The following FLI1 variants were observed in gnomAD, a reference collection of about 807,000 sequenced individuals.
FLI1 encodes the protein Friend leukemia integration 1 transcription factor.
A neutral mutation model predicts 53.1 loss-of-function variants in FLI1; 13 were observed. The ratio of observed to expected loss-of-function variants is 0.24; its 90% CI spans 0.16 to 0.39. The LOEUF (loss-of-function observed/expected upper bound fraction) is 0.39. Ranked by LOEUF, FLI1 falls within the 10% of genes least tolerant of loss-of-function variation. The probability of loss-of-function intolerance (pLI) is 1.00; values close to 1 mark genes in which losing one functional copy is unlikely to be tolerated. For synonymous variants in FLI1, 244 were observed against 236.7 expected, an observed-to-expected ratio of 1.03 and a Z score of -0.28; for missense variants, 424 against 600.5, an observed-to-expected ratio of 0.71 and a Z score of 3.07.
At chr11:128,702,633 G>A (rs573270956) in intron 1 of FLI1, among the ~76,000 whole-genome samples, 7 of 152,288 alleles carry the variant, frequency 4.6e-5, no homozygotes, top group South Asian at 2.1e-4. Context: ...AGGCCAAGGC[G>A]GGTGGATCAC....
At chr11:128,774,480 G>T (rs1273408575) in intron 4 of FLI1, among the ~76,000 whole-genome samples, 1 of 152,118 alleles carries the variant, frequency 6.6e-6, no homozygotes, top group Non-Finnish European at 1.5e-5. Flanking sequence ...AAAAAATAAG[G>T]ATCTTTGAAC....
At chr11:128,768,042 G>T in intron 2 of FLI1, 76 bp from the exon 3 acceptor site, 1 of 1,359,782 alleles carries the variant, frequency 7.4e-7, no homozygotes, top group Non-Finnish European at 1.0e-6. Context: ...GGAGCCCTGG[G>T]CTCATGATTC....
intron 4 of FLI1, among the ~76,000 whole-genome samples, chr11:128,780,520 GC>G (rs1310266835): frequency 6.6e-6 from 1 of 152,234 alleles, no homozygotes; most frequent in African/African-American, 2.4e-5. Context: ...ACTTGAATCT[GC>G]GAGGCGGAGG....
intron 5 of FLI1, among the ~76,000 whole-genome samples, chr11:128,793,727 G>C (rs1443087431): frequency 2.0e-5 from 3 of 152,190 alleles, no homozygotes; most frequent in Non-Finnish European, 4.4e-5. Flanking sequence ...CCTCATAGGT[G>C]CCCATGTGCT....
chr11:128,763,969 C>G (rs1340527376), intron 2 of FLI1, among the ~76,000 whole-genome samples: 1 of 152,212 alleles, frequency 6.6e-6, no homozygotes, highest in East Asian at 1.9e-4. Context: ...AATTTTTGCA[C>G]AGGGTGCATA....
chr11:128,704,997 G>T (rs1938490480), intron 1 of FLI1, among the ~76,000 whole-genome samples: 1 of 152,336 alleles, frequency 6.6e-6, no homozygotes, highest in Non-Finnish European at 1.5e-5. Flanking sequence ...GATTGGGTAA[G>T]TTACTCATGG....
rs562847825 is a variant in FLI1, at chr11:128,731,951, C to T, written c.19-26164C>T. Among the ~76,000 whole-genome samples the T allele has an allele frequency of 1.1e-3, 170 of 151,078 alleles. 1 individual carries two copies. The highest frequency in any genetic ancestry group is 4.0e-3 in the African/African-American group (164 of 41,026). On this transcript the variant is annotated intron_variant, in intron 1 of 8. Transcript: ENST00000527786. ...CCGGGAGGCGGAGGTTGCAGTGAGC[C>T]GAGATCGTGCCACTGTGCTCCAGGC...
chr11:128,707,084 T>C (rs1012626870), intron 1 of FLI1, among the ~76,000 whole-genome samples: 2 of 152,196 alleles, frequency 1.3e-5, no homozygotes, highest in African/African-American at 4.8e-5. Context: ...TGTGCTCTGC[T>C]TTGTATAACC....
chr11:128,731,407 T>A (rs1369430319), intron 1 of FLI1, among the ~76,000 whole-genome samples: 1 of 151,918 alleles, frequency 6.6e-6, no homozygotes, highest in Non-Finnish European at 1.5e-5. Flanking sequence ...TGTCTAACGG[T>A]CTGCTCGTGT....
rs1294706509 is a variant in FLI1, at chr11:128,798,480, A to C, written c.656-6886A>C. On this transcript the variant is annotated intron_variant, in intron 5 of 8. Coordinates refer to ENST00000527786, the MANE Select transcript of FLI1 (RefSeq NM_002017.5). ...CGCTTTTCATATTTAAAAGTCAGCT[A>C]TTTCTTCCAAGCCTTTTCCTCGTAG... Among the ~76,000 whole-genome samples the C allele has an allele frequency of 2.6e-5, 4 of 152,214 alleles. No homozygotes were observed. The East Asian group carries it at 7.7e-4, about 29-fold the overall frequency.
chr11:128,791,811 C>A (rs1025814938), intron 5 of FLI1, among the ~76,000 whole-genome samples: 2 of 152,194 alleles, frequency 1.3e-5, no homozygotes, highest in African/African-American at 4.8e-5. Context: ...AGATTTCAAT[C>A]ACAAGATGAT....
chr11:128,695,634 T>C (rs1447690813), intron 1 of FLI1, among the ~76,000 whole-genome samples: 1 of 152,060 alleles, frequency 6.6e-6, no homozygotes, highest in African/African-American at 2.4e-5. Context: ...CGAAGGAACT[T>C]GCAAATCTGG....
intron 1 of FLI1, among the ~76,000 whole-genome samples, chr11:128,703,968 G>A (rs1184516237): frequency 6.6e-6 from 1 of 151,922 alleles, no homozygotes; most frequent in Non-Finnish European, 1.5e-5. Flanking sequence ...TCGAAATTGA[G>A]GTAAATGCAG....
In FLI1 at chr11:128,758,944, G is replaced by A. The variant is rs146377652; in HGVS notation, c.230+618G>A. On this transcript the variant is annotated intron_variant, in intron 2 of 8. Coordinates refer to ENST00000527786, the MANE Select transcript of FLI1 (RefSeq NM_002017.5). ...TCATGGAAGAGGACAGTGGACAGGC[G>A]GCCTCAGTTTTGCGTCCTGCCTCTG... 2.1e-3 allele frequency among the ~76,000 whole-genome samples: 320 copies of A among 152,294 alleles called. 2 individuals carry two copies. Among genetic ancestry groups the A allele is most frequent in the African/African-American group, 6.5e-3 (272 of 41,576 alleles).
chr11:128,809,751 T>C (rs928535535), intron 8 of FLI1, among the ~76,000 whole-genome samples: 2 of 152,138 alleles, frequency 1.3e-5, no homozygotes, highest in Non-Finnish European at 2.9e-5. Context: ...TCCATCGAGA[T>C]TGGGAGCTAG....
intron 4 of FLI1, among the ~76,000 whole-genome samples, chr11:128,773,548 A>T (rs1308718737): frequency 6.6e-6 from 1 of 151,328 alleles, no homozygotes; most frequent in East Asian, 1.9e-4. Context: ...TTCTTCTGGT[A>T]CAGCCAAGAA....
intron 5 of FLI1, among the ~76,000 whole-genome samples, chr11:128,788,844 T>C (rs1474552225): frequency 6.6e-6 from 1 of 152,220 alleles, no homozygotes; most frequent in African/African-American, 2.4e-5. Context: ...GAATCTTCTC[T>C]GCATAGAATA....
At chr11:128,799,923 A>T (rs900565359) in intron 5 of FLI1, among the ~76,000 whole-genome samples, 3 of 152,136 alleles carry the variant, frequency 2.0e-5, no homozygotes, top group Admixed American at 6.6e-5. Context: ...GTTTTAGAGG[A>T]TCTCCTAGTC....
At chr11:128,768,082 C>T in intron 2 of FLI1, 36 bp from the exon 3 acceptor site, 1 of 1,566,554 alleles carries the variant, frequency 6.4e-7, no homozygotes, top group Non-Finnish European at 8.7e-7. Flanking sequence ...CCTGTCAGTG[C>T]TGACCGCCTC....
Sources: gnomAD v4.1 joint callset for allele counts (sites outside exome capture counted in the v4.1 genomes callset) on GRCh38, gnomAD v4.1.1 for gene constraint, MANE v1.5 for transcripts, NCBI Gene and HGNC (gene_info 2026-07-23, HGNC 2026-07-21) for gene names.